Variants in ZBTB49 observed in about 807,000 individuals in gnomAD.
The protein encoded by ZBTB49 is zinc finger and BTB domain containing 49, also known as zinc finger and BTB domain-containing protein 49.
A neutral mutation model predicts 57.5 loss-of-function variants in ZBTB49; 43 were observed. The observed-to-expected ratio is 0.75, with a 90% CI of 0.59 to 0.97. The LOEUF (loss-of-function observed/expected upper bound fraction) is 0.97. Ranked by LOEUF, ZBTB49 falls within the 50% of genes least tolerant of loss-of-function variation. The pLI is 0.00. For synonymous variants in ZBTB49, 369 were observed against 362.1 expected, an observed-to-expected ratio of 1.02 and a Z score of -0.22; for missense variants, 938 against 947.7, an observed-to-expected ratio of 0.99 and a Z score of 0.13.
At chr4:4,316,195 A>G (rs1721189979) in intron 7 of ZBTB49, among the ~76,000 whole-genome samples, 1 of 152,174 alleles carries the variant, frequency 6.6e-6, no homozygotes, top group Non-Finnish European at 1.5e-5. Flanking sequence ...TACAAAGATG[A>G]CTAAGACAGA....
chr4:4,295,947 C>T (rs1720177773), intron 1 of ZBTB49, among the ~76,000 whole-genome samples: 1 of 152,184 alleles, frequency 6.6e-6, no homozygotes, highest in South Asian at 2.1e-4. Flanking sequence ...GAGATTAGAA[C>T]TGGTAGCTGA....
At chr4:4,308,148 G>A (rs2108887499) in intron 4 of ZBTB49, among the ~76,000 whole-genome samples, 1 of 152,264 alleles carries the variant, frequency 6.6e-6, no homozygotes, top group Non-Finnish European at 1.5e-5. Flanking sequence ...CGCAATCTGG[G>A]CTCACTGCAA....
In ZBTB49 at chr4:4,302,910, T is replaced by A; in HGVS notation, c.1074T>A (p.Ser358Arg). The change falls in exon 3 of 8, where the codon AGT becomes AGA. Residue 358 changes from serine to arginine, a missense_variant. Transcript: ENST00000337872. ...ASSQSAEEKESEEVVSCENFN... is the reference protein window; with the variant it reads ...ASSQSAEEKEREEVVSCENFN... ...GCCAAAGTGCTGAAGAAAAAGAAAG[T>A]GAAGAAGTCGTCAGTTGTGAGAATT... 3 of 1,614,118 alleles carry A rather than the reference T, an allele frequency of 1.9e-6. No individual in the cohort carries two copies. The South Asian group carries it at 3.3e-5, about 18-fold the overall frequency.
chr4:4,292,418 T>A (rs1530339), intron 1 of ZBTB49, among the ~76,000 whole-genome samples: 1 of 152,140 alleles, frequency 6.6e-6, no homozygotes, highest in Non-Finnish European at 1.5e-5. Flanking sequence ...ATAATGGGCA[T>A]TGTGTAAAGT....
rs1393849130 is a variant in ZBTB49 at position 4,321,452 on chromosome 4, C to T, written c.*136C>T. 2.3e-5 allele frequency: 22 copies of T among 941,366 alleles called. No homozygotes were observed. The highest frequency in any genetic ancestry group is 3.0e-5 in the Non-Finnish European group (19 of 636,118). 58.3% of individuals were successfully genotyped at this position (941,366 alleles called of 1,614,324 possible). ...TAGGTAGCTTCCCTCCTGATGATGG[C>T]TCATAATCTGAAGCATCTTGAGCTG... On this transcript the variant is annotated 3_prime_UTR_variant, in exon 8 of 8. Coordinates refer to ENST00000337872, the MANE Select transcript of ZBTB49 (RefSeq NM_145291.4).
chr4:4,319,999 G>A (rs1455482485), intron 7 of ZBTB49, among the ~76,000 whole-genome samples: 2 of 152,128 alleles, frequency 1.3e-5, no homozygotes, highest in Non-Finnish European at 2.9e-5. Flanking sequence ...CGGAGGCAGA[G>A]GTTGCACTGA....
intron 3 of ZBTB49, among the ~76,000 whole-genome samples, chr4:4,303,784 C>CTCTA (rs142405692): frequency 0.66 from 95,490 of 145,206 alleles, 32,648 homozygotes; most frequent in Non-Finnish European, 0.75. Flanking sequence ...CTCTCTCTCT[C>CTCTA]TATATATATA....
At position 4,321,260 on chromosome 4, in the gene ZBTB49, ACT is replaced by A; in HGVS notation, c.2247_2248del (p.Trp750GlyfsTer10). The A allele has an allele frequency of 2.5e-6, 4 of 1,613,762 alleles. No individual in the cohort carries two copies. The highest frequency in any genetic ancestry group is 3.4e-6 in the Non-Finnish European group (4 of 1,179,990). ...NSEGQFFSSM[T>X]LWGLAMKTLQ... is the part of the protein sequence containing the mutation. ...AGAGGGTCAGTTTTTCTCCAGCATG[ACT>A]CTCTGGGGGCTAGCGATGAAGACGC... On this transcript the variant is annotated frameshift_variant, in exon 8 of 8. Transcript: ENST00000337872. LOFTEE classifies it high-confidence loss of function.
chr4:4,297,123 T>G (rs903295063), intron 1 of ZBTB49, among the ~76,000 whole-genome samples: 1 of 152,178 alleles, frequency 6.6e-6, no homozygotes, highest in African/African-American at 2.4e-5. Context: ...TAGGCTAGAG[T>G]GCAATGGCGC....
At chr4:4,296,299 TA>T in intron 1 of ZBTB49, among the ~76,000 whole-genome samples, 1 of 133,136 alleles carries the variant, frequency 7.5e-6, no homozygotes, top group South Asian at 3.0e-4. Flanking sequence ...TGCAAGGTGA[TA>T]TATGGTTTGA....
rs77647887 is a variant in ZBTB49, at chr4:4,291,443, C to T, written c.-20+1091C>T. Among the ~76,000 whole-genome samples, 466 of 152,310 alleles carry T rather than the reference C, an allele frequency of 3.1e-3. 5 individuals are homozygous for T. Among genetic ancestry groups the T allele is most frequent in the African/African-American group, 0.011 (443 of 41,560 alleles). The stretch of plus-strand genomic sequence containing the variant: ...TAATGGCCTCATTTTAACTTAATTA[C>T]CTTCTTACAAGCCTGATCTCCAAAT... On this transcript the variant is annotated intron_variant, in intron 1 of 7. Coordinates refer to ENST00000337872, the MANE Select transcript of ZBTB49 (RefSeq NM_145291.4).
At chr4:4,311,001 A>G (rs1380216768) in intron 4 of ZBTB49, among the ~76,000 whole-genome samples, 1 of 152,124 alleles carries the variant, frequency 6.6e-6, no homozygotes, top group Non-Finnish European at 1.5e-5. Context: ...TGAATGTACT[A>G]TTGGATTTTT....
intron 7 of ZBTB49, among the ~76,000 whole-genome samples, chr4:4,317,121 GTCC>G (rs1385374623): frequency 6.6e-6 from 1 of 152,176 alleles, no homozygotes; most frequent in Non-Finnish European, 1.5e-5. Context: ...GGTAAATTTT[GTCC>G]TCCTTCCCCA....
chr4:4,301,638 A>C (rs1720475997), intron 2 of ZBTB49, among the ~76,000 whole-genome samples: 1 of 152,160 alleles, frequency 6.6e-6, no homozygotes, highest in Non-Finnish European at 1.5e-5. Context: ...ATTTAGAGCA[A>C]TCTTTTATTT....
intron 5 of ZBTB49, among the ~76,000 whole-genome samples, chr4:4,313,553 GAGAGCTCC>G (rs1721067723): frequency 6.6e-6 from 1 of 152,186 alleles, no homozygotes; most frequent in Admixed American, 6.5e-5. Context: ...AACAGCCTGT[GAGAGCTCC>G]ACCCCAGGGA....
chr4:4,318,894 C>CTTTTTTT (rs113390733), intron 7 of ZBTB49, among the ~76,000 whole-genome samples: 1 of 130,948 alleles, frequency 7.6e-6, no homozygotes, highest in Non-Finnish European at 1.6e-5. Context: ...TTTTTTTAAT[C>CTTTTTTT]TTTTTTTTTT....
At position 4,302,472 on chromosome 4, in the gene ZBTB49, C is replaced by T. The variant is rs1212035154; in HGVS notation, c.636C>T (p.Tyr212=). The T allele has an allele frequency of 3.1e-6, 5 of 1,614,060 alleles. No homozygotes were observed. Among genetic ancestry groups the T allele is most frequent in the Non-Finnish European group, 4.2e-6 (5 of 1,180,020 alleles). ...AACTGCCTTTCAAACAGCCAAATTACTATTACAAACTCAGAAACTTTTACA... is the reference window on the plus strand; with the variant it reads ...AACTGCCTTTCAAACAGCCAAATTATTATTACAAACTCAGAAACTTTTACA... ...CTELPFKQPN[Y]YYKLRNFYSK... Residue 212 remains tyrosine, a synonymous_variant, in exon 3 of 8, where the codon TAC becomes TAT. Coordinates refer to ENST00000337872, the MANE Select transcript of ZBTB49 (RefSeq NM_145291.4).
At chr4:4,301,305 C>T (rs1720463012) in intron 2 of ZBTB49, among the ~76,000 whole-genome samples, 1 of 152,138 alleles carries the variant, frequency 6.6e-6, no homozygotes, top group East Asian at 1.9e-4. Context: ...AATAAAGTGC[C>T]TGGGCTTTAG....
chr4:4,299,832 G>A (rs975395480), intron 1 of ZBTB49, 95 bp from the exon 2 acceptor site: 1 of 1,092,870 alleles, frequency 9.2e-7, no homozygotes, highest in Non-Finnish European at 1.3e-6. Context: ...TGTGATGAGA[G>A]AGTGAAGCAC....
Sources: allele counts gnomAD v4.1 joint callset (sites outside exome capture counted in the v4.1 genomes callset), GRCh38; gene constraint gnomAD v4.1.1; transcripts MANE v1.5; gene names NCBI Gene and HGNC (gene_info 2026-07-23, HGNC 2026-07-21).